YAP1: variants seen among roughly 807,000 people sequenced by gnomAD.
YAP1 encodes the protein Yes1 associated transcriptional regulator.
A neutral mutation model predicts 56.9 loss-of-function variants in YAP1; 5 were observed. The ratio of observed to expected loss-of-function variants is 0.09; its 90% CI spans 0.05 to 0.18. The LOEUF (loss-of-function observed/expected upper bound fraction) is 0.18, where lower values mean the gene tolerates loss of function less well. YAP1 is among the 10% of genes least tolerant of loss of function. The probability of loss-of-function intolerance (pLI) is 1.00; values close to 1 mark genes in which losing one functional copy is unlikely to be tolerated. For missense variants in YAP1, 539 were observed against 651.8 expected (o/e 0.83, Z 1.88); for synonymous variants, 265 against 248.1 (o/e 1.07, Z -0.64).
At chr11:102,189,445 T>G (rs527595684) in intron 4 of YAP1, among the ~76,000 whole-genome samples, 1 of 152,338 alleles carries the variant, frequency 6.6e-6, no homozygotes, top group South Asian at 2.1e-4. Flanking sequence ...TTGTTACCAA[T>G]CTGTGTTTTA....
chr11:102,223,532 G>A (rs1012390396), intron 6 of YAP1, 90 bp from the exon 7 acceptor site: 6 of 1,398,670 alleles, frequency 4.3e-6, no homozygotes, highest in Admixed American at 4.6e-5. Context: ...CTATCTGCAC[G>A]GTTACTCTGA....
chr11:102,183,893 G>A (rs979745789), intron 3 of YAP1, among the ~76,000 whole-genome samples: 2 of 151,704 alleles, frequency 1.3e-5, no homozygotes, highest in African/African-American at 4.8e-5. Flanking sequence ...CGGCTAAAAT[G>A]GTGAAACCCC....
At chr11:102,222,987 G>A (rs1487514363) in intron 6 of YAP1, among the ~76,000 whole-genome samples, 1 of 151,922 alleles carries the variant, frequency 6.6e-6, no homozygotes, top group Non-Finnish European at 1.5e-5. Flanking sequence ...GCTCACGTCT[G>A]TAATCCCAGC....
chr11:102,140,573 G>T (rs1944957726), intron 2 of YAP1, among the ~76,000 whole-genome samples: 1 of 152,128 alleles, frequency 6.6e-6, no homozygotes, highest in Non-Finnish European at 1.5e-5. Flanking sequence ...GGCCTGGCGT[G>T]GTGGCTCACA....
chr11:102,130,265 G>T lies in YAP1; in HGVS notation c.572+15871G>T, dbSNP rs552325787. ...TACACCTTAGTTCGTGTAAAATAAGGAAGTGTGTCAGAATAGCCAAGTGCT... is the reference window on the plus strand; with the variant it reads ...TACACCTTAGTTCGTGTAAAATAAGTAAGTGTGTCAGAATAGCCAAGTGCT... On this transcript the variant is annotated intron_variant, in intron 2 of 8. Transcript: ENST00000282441. Among the ~76,000 whole-genome samples the T allele has an allele frequency of 8.1e-4, 124 of 152,242 alleles. No individual in the cohort carries two copies. The South Asian group carries it at 8.3e-3, about 10-fold the overall frequency.
intron 2 of YAP1, among the ~76,000 whole-genome samples, chr11:102,146,573 TA>T (rs1945333339): frequency 6.6e-6 from 1 of 152,378 alleles, no homozygotes; most frequent in Non-Finnish European, 1.5e-5. Context: ...CTTTTTCCTG[TA>T]GCTCGTACTA....
chr11:102,180,071 A>G (rs1460271897), intron 3 of YAP1, among the ~76,000 whole-genome samples: 2 of 144,214 alleles, frequency 1.4e-5, no homozygotes, highest in Non-Finnish European at 3.0e-5. Context: ...GTGCAATGGC[A>G]CAATCTTGGC....
chr11:102,115,610 A>ATTT, intron 2 of YAP1, among the ~76,000 whole-genome samples: 1 of 151,124 alleles, frequency 6.6e-6, no homozygotes, highest in Non-Finnish European at 1.5e-5. Flanking sequence ...TTTTTTTTTA[A>ATTT]AAAAATTCAT....
intron 3 of YAP1, among the ~76,000 whole-genome samples, chr11:102,174,605 T>A (rs1947124368): frequency 6.6e-6 from 1 of 151,796 alleles, no homozygotes; most frequent in Non-Finnish European, 1.5e-5. Context: ...ATCTATTATT[T>A]GTAAAGGCAC....
chr11:102,167,149 C>G (rs1946659791), intron 3 of YAP1, among the ~76,000 whole-genome samples: 1 of 152,128 alleles, frequency 6.6e-6, no homozygotes, highest in East Asian at 1.9e-4. Flanking sequence ...CTGAGAATCA[C>G]CCAAAACAAA....
At chr11:102,182,027 A>T (rs1229432941) in intron 3 of YAP1, among the ~76,000 whole-genome samples, 1 of 152,016 alleles carries the variant, frequency 6.6e-6, no homozygotes, top group Non-Finnish European at 1.5e-5. Context: ...TCACCATGTT[A>T]GTCAGGCTGG....
intron 2 of YAP1, among the ~76,000 whole-genome samples, chr11:102,141,811 T>G (rs900919877): frequency 6.6e-6 from 1 of 152,238 alleles, no homozygotes; most frequent in Non-Finnish European, 1.5e-5. Flanking sequence ...CATTGTGTCT[T>G]ATGCACTTAG....
intron 3 of YAP1, among the ~76,000 whole-genome samples, chr11:102,167,404 A>G (rs967793334): frequency 2.0e-5 from 3 of 152,214 alleles, no homozygotes; most frequent in African/African-American, 4.8e-5. Flanking sequence ...AAATAAGTCT[A>G]GTCTATTAAA....
intron 2 of YAP1, among the ~76,000 whole-genome samples, chr11:102,147,122 G>T (rs4754834): frequency 0.58 from 87,843 of 151,938 alleles, 26,317 homozygotes; most frequent in South Asian, 0.74. Flanking sequence ...GAACTAATAA[G>T]TGGCACACTT....
At chr11:102,147,039 G>C (rs1945360215) in intron 2 of YAP1, among the ~76,000 whole-genome samples, 1 of 152,174 alleles carries the variant, frequency 6.6e-6, no homozygotes, top group Admixed American at 6.5e-5. Flanking sequence ...GTAACTCAGT[G>C]AGTCTTCACA....
At chr11:102,165,582 A>T (rs1946557264) in intron 3 of YAP1, among the ~76,000 whole-genome samples, 1 of 152,152 alleles carries the variant, frequency 6.6e-6, no homozygotes, top group Non-Finnish European at 1.5e-5. Context: ...AGTTGGAAGA[A>T]GGAACTGAAA....
chr11:102,127,570 A>T (rs1944109772), intron 2 of YAP1, among the ~76,000 whole-genome samples: 1 of 152,236 alleles, frequency 6.6e-6, no homozygotes, highest in Non-Finnish European at 1.5e-5. Flanking sequence ...AGTTTGCTGC[A>T]GGGGCGGGGC....
chr11:102,206,726 T>C (rs1299636014), intron 5 of YAP1, among the ~76,000 whole-genome samples: 2 of 151,994 alleles, frequency 1.3e-5, no homozygotes. Flanking sequence ...ACCTGTAATC[T>C]CAACTTCTCA....
chr11:102,206,312 C>T (rs929054125), intron 5 of YAP1, among the ~76,000 whole-genome samples: 1 of 152,130 alleles, frequency 6.6e-6, no homozygotes, highest in African/African-American at 2.4e-5. Flanking sequence ...CTGTTTTGGT[C>T]ATGGTCATTG....
Sources: allele counts gnomAD v4.1 joint callset (sites outside exome capture counted in the v4.1 genomes callset), GRCh38; gene constraint gnomAD v4.1.1; transcripts MANE v1.5; gene names NCBI Gene and HGNC (gene_info 2026-07-23, HGNC 2026-07-21).